Variants in RPH3AL observed in about 807,000 individuals in gnomAD.
RPH3AL encodes rab effector Noc2.
A neutral mutation model predicts 43.1 loss-of-function variants in RPH3AL; 38 were observed. The ratio of observed to expected loss-of-function variants is 0.88; its 90% confidence interval spans 0.68 to 1.15. The LOEUF (loss-of-function observed/expected upper bound fraction) is 1.15, where lower values mean the gene tolerates loss of function less well. Ranked by LOEUF, RPH3AL falls within the 50% of genes most tolerant of loss-of-function variation. RPH3AL has a pLI of 0.00. For synonymous variants in RPH3AL, 189 were observed against 176.3 expected (o/e 1.07, Z -0.57); for missense variants, 462 against 423.2 (o/e 1.09, Z -0.81).
chr17:282,355 T>C (rs1484537317), intron 5 of RPH3AL, among the ~76,000 whole-genome samples: 1 of 152,200 alleles, frequency 6.6e-6, no homozygotes, highest in Non-Finnish European at 1.5e-5. Context: ...ACGTGACAGT[T>C]ACGTAAACTT....
chr17:223,323 AG>A (rs1486753553), intron 7 of RPH3AL, among the ~76,000 whole-genome samples: 1 of 152,218 alleles, frequency 6.6e-6, no homozygotes, highest in Non-Finnish European at 1.5e-5. Flanking sequence ...ACAACAGCAC[AG>A]GAAGGTCTGG....
At chr17:265,149 C>T (rs1395624010) in intron 6 of RPH3AL, among the ~76,000 whole-genome samples, 9 of 152,214 alleles carry the variant, frequency 5.9e-5, no homozygotes, top group South Asian at 2.1e-4. Flanking sequence ...TGTAGTGGTG[C>T]GGTCTCAGCT....
chr17:258,757 G>GT (rs372761475), intron 6 of RPH3AL, among the ~76,000 whole-genome samples: 22,728 of 98,680 alleles, frequency 0.23, 3,218 homozygotes, highest in South Asian at 0.32. Context: ...TAGTCAACCC[G>GT]TTTTTTTTTT....
chr17:316,376 A>G (rs2044185543), intron 5 of RPH3AL, among the ~76,000 whole-genome samples: 1 of 141,042 alleles, frequency 7.1e-6, no homozygotes, highest in Non-Finnish European at 1.5e-5. Context: ...ATTGACCTGT[A>G]GTCTCTCTGC....
chr17:345,650 TGCTGGGGCACGCGTGCTCCCCATCTGCGC>T (rs2045221251), intron 1 of RPH3AL, among the ~76,000 whole-genome samples: 3 of 76,178 alleles, frequency 3.9e-5, no homozygotes, highest in African/African-American at 9.4e-5. Context: ...ACGCACACCC[TGCTGGGGCACGCGTGCTCCCCATCTGCGC>T]GCACACCCTG....
chr17:303,313 C>T (rs1476325756), intron 5 of RPH3AL, among the ~76,000 whole-genome samples: 2 of 152,038 alleles, frequency 1.3e-5, no homozygotes, highest in Non-Finnish European at 2.9e-5. Flanking sequence ...ATCACTGGAG[C>T]CCAGAGGGGT....
rs80106193 is a variant in RPH3AL at position 234,248 on chromosome 17, A to C, written c.613+12863T>G. ...TTCCCTGAGCAGGGAGCGGCTACTT[A>C]CCCTGACCAACTTCCCTGAGCAGGG... is the stretch of plus-strand genomic sequence containing the variant. On this transcript the variant is annotated intron_variant, in intron 7 of 9. Coordinates refer to ENST00000331302, the MANE Select transcript of RPH3AL (RefSeq NM_006987.4). Among the ~76,000 whole-genome samples, 416 of 54,266 alleles carry C rather than the reference A, an allele frequency of 7.7e-3. 36 individuals carry two copies. The highest frequency in any genetic ancestry group is 0.024 in the Middle Eastern group (2 of 84). 35.6% of individuals were successfully genotyped at this position (54,266 alleles called of 152,430 possible).
chr17:293,683 C>T (rs1165493997), intron 5 of RPH3AL, among the ~76,000 whole-genome samples: 1 of 152,052 alleles, frequency 6.6e-6, no homozygotes, highest in Admixed American at 6.6e-5. Flanking sequence ...GAGCTTCGGC[C>T]AAGGGGTGGA....
chr17:261,249 T>G (rs2042188564), intron 6 of RPH3AL, among the ~76,000 whole-genome samples: 1 of 152,188 alleles, frequency 6.6e-6, no homozygotes, highest in Non-Finnish European at 1.5e-5. Context: ...CTCATGTACT[T>G]GTGAGTGACA....
chr17:314,614 C>A (rs71355205), intron 5 of RPH3AL, among the ~76,000 whole-genome samples: 2 of 135,770 alleles, frequency 1.5e-5, no homozygotes, highest in Admixed American at 7.3e-5. Flanking sequence ...ACCTGTAGTC[C>A]CTGTGCCCCA....
intron 3 of RPH3AL, among the ~76,000 whole-genome samples, chr17:327,011 G>C (rs1037225139): frequency 1.3e-5 from 2 of 152,210 alleles, no homozygotes; most frequent in Admixed American, 6.5e-5. Context: ...ACAGACTTTT[G>C]TTCCCCCGTC....
At chr17:315,289 C>T (rs77910585) in intron 5 of RPH3AL, among the ~76,000 whole-genome samples, 520 of 12,738 alleles carry the variant, frequency 0.041, 3 homozygotes, top group Admixed American at 0.067. Flanking sequence ...TCCCTGTGCC[C>T]CCACCTCCAG....
chr17:320,937 C>G (rs1323706333), intron 4 of RPH3AL, among the ~76,000 whole-genome samples: 1 of 152,186 alleles, frequency 6.6e-6, no homozygotes, highest in African/African-American at 2.4e-5. Context: ...ACCTGAACCC[C>G]TCCCTTGGCT....
intron 5 of RPH3AL, among the ~76,000 whole-genome samples, chr17:315,466 C>G: frequency 6.6e-6 from 1 of 151,992 alleles, no homozygotes; most frequent in Admixed American, 6.5e-5. Flanking sequence ...CCTGTAGTCC[C>G]TGTGCTCCCA....
intron 6 of RPH3AL, among the ~76,000 whole-genome samples, chr17:260,869 G>T (rs1398504101): frequency 6.6e-6 from 1 of 152,006 alleles, no homozygotes; most frequent in Non-Finnish European, 1.5e-5. Flanking sequence ...ACCACACTAA[G>T]CTCTCCTTTT....
intron 5 of RPH3AL, among the ~76,000 whole-genome samples, chr17:316,061 C>T: frequency 1.3e-5 from 2 of 151,866 alleles, no homozygotes; most frequent in Non-Finnish European, 2.9e-5. Flanking sequence ...GACTCCACCT[C>T]CAGTGATGTG....
chr17:214,406 C>T (rs1160297181), intron 9 of RPH3AL, among the ~76,000 whole-genome samples: 1 of 152,188 alleles, frequency 6.6e-6, no homozygotes, highest in Non-Finnish European at 1.5e-5. Flanking sequence ...GAACTGGGCA[C>T]AGAGAGATCA....
intron 5 of RPH3AL, among the ~76,000 whole-genome samples, chr17:293,330 A>G (rs1449738270): frequency 6.6e-6 from 1 of 152,224 alleles, no homozygotes; most frequent in African/African-American, 2.4e-5. Context: ...GCTGTTGACT[A>G]TTAACATTCA....
At chr17:223,668 G>C (rs1042469031) in intron 7 of RPH3AL, among the ~76,000 whole-genome samples, 1 of 152,102 alleles carries the variant, frequency 6.6e-6, no homozygotes, top group Non-Finnish European at 1.5e-5. Context: ...GGAAGTGCCT[G>C]GTCAGTTATG....
Sources: gnomAD v4.1 joint callset for allele counts (sites outside exome capture counted in the v4.1 genomes callset) on GRCh38, gnomAD v4.1.1 for gene constraint, MANE v1.5 for transcripts, NCBI Gene and HGNC (gene_info 2026-07-23, HGNC 2026-07-21) for gene names.